BICC1: variants seen among roughly 807,000 people sequenced by gnomAD.
BICC1 encodes protein bicaudal C homolog 1.
BICC1 carries 43 observed loss-of-function variants against 111.0 expected under a neutral mutation model. That is an observed-to-expected ratio of 0.39 (90% confidence interval 0.30 to 0.50). BICC1 has a LOEUF of 0.50. BICC1 is among the 20% of genes least tolerant of loss of function. BICC1 has a pLI of 0.88. For missense variants in BICC1, 1,091 were observed against 1,203.2 expected, an observed-to-expected ratio of 0.91 and a Z score of 1.38; for synonymous variants, 467 against 434.4, an observed-to-expected ratio of 1.07 and a Z score of -0.93.
chr10:58,784,706 A>G (rs887821142), intron 3 of BICC1, among the ~76,000 whole-genome samples: 1 of 152,092 alleles, frequency 6.6e-6, no homozygotes, highest in Non-Finnish European at 1.5e-5. Flanking sequence ...AAATTATATG[A>G]TATTTTTATT....
intron 2 of BICC1, among the ~76,000 whole-genome samples, chr10:58,651,705 T>C (rs1006295950): frequency 2.6e-5 from 4 of 152,210 alleles, no homozygotes; most frequent in African/African-American, 4.8e-5. Context: ...TAGAGTGCTG[T>C]TGCCAAGTAA....
intron 1 of BICC1, among the ~76,000 whole-genome samples, chr10:58,542,195 A>G (rs1419053797): frequency 1.3e-5 from 2 of 151,310 alleles, no homozygotes; most frequent in Non-Finnish European, 1.5e-5. Flanking sequence ...CATACAGACT[A>G]GTGGAACAGA....
chr10:58,557,119 A>C (rs754408478), intron 1 of BICC1, among the ~76,000 whole-genome samples: 1 of 151,974 alleles, frequency 6.6e-6, no homozygotes, highest in Non-Finnish European at 1.5e-5. Context: ...TTTTGCCTTT[A>C]TTTTTGAAAG....
intron 12 of BICC1, 30 bp downstream of exon 12, chr10:58,799,282 G>C: frequency 6.5e-7 from 1 of 1,533,168 alleles, no homozygotes; most frequent in Non-Finnish European, 8.8e-7. Context: ...ATGTGTGTGT[G>C]ATCTGTACTG....
chr10:58,715,135 T>C (rs543004492), intron 3 of BICC1, among the ~76,000 whole-genome samples: 1 of 152,192 alleles, frequency 6.6e-6, no homozygotes, highest in Non-Finnish European at 1.5e-5. Flanking sequence ...TTTTTAAAAG[T>C]CCTTTTTATG....
At chr10:58,806,680 T>C (rs1048112630) in intron 16 of BICC1, 57 bp downstream of exon 16, 4 of 1,421,168 alleles carry the variant, frequency 2.8e-6, no homozygotes, top group Non-Finnish European at 3.9e-6. Context: ...TCATAAATGT[T>C]TTTTGAGTAC....
intron 2 of BICC1, among the ~76,000 whole-genome samples, chr10:58,672,382 C>T (rs1351875974): frequency 6.6e-6 from 1 of 152,058 alleles, no homozygotes; most frequent in Non-Finnish European, 1.5e-5. Flanking sequence ...AACATAAGGA[C>T]GGGCACTTAT....
intron 3 of BICC1, among the ~76,000 whole-genome samples, chr10:58,767,526 C>A (rs1029785427): frequency 2.6e-5 from 4 of 152,064 alleles, no homozygotes; most frequent in Admixed American, 6.6e-5. Flanking sequence ...AACACACACA[C>A]GCAGAAACCC....
At chr10:58,809,301 TGGGATTACAGGTGTGA>T in intron 17 of BICC1, among the ~76,000 whole-genome samples, 1 of 152,250 alleles carries the variant, frequency 6.6e-6, no homozygotes, top group South Asian at 2.1e-4. Flanking sequence ...GTCCCAGTGT[TGGGATTACAGGTGTGA>T]GGTTCTTTTA....
intron 1 of BICC1, among the ~76,000 whole-genome samples, chr10:58,619,020 G>C (rs371364659): frequency 4.2e-4 from 64 of 152,006 alleles, no homozygotes; most frequent in African/African-American, 1.5e-3. Context: ...ATCTCTCCTT[G>C]TGCTTCCATT....
chr10:58,796,641 C>CT (rs1465979795), intron 10 of BICC1, 115 bp downstream of exon 10: 30 of 1,002,620 alleles, frequency 3.0e-5, no homozygotes, highest in Non-Finnish European at 3.4e-5. Flanking sequence ...CCTTTGGGCT[C>CT]TAAGATCAGA....
Position 58,829,078 on chromosome 10 carries a change from C to T in BICC1, c.*187C>T. The stretch of plus-strand genomic sequence containing the variant: ...GAGAAGATGTTCTTATGATGTCATA[C>T]AGAACACCAAATATGGATTACTTTT... On this transcript the variant is annotated 3_prime_UTR_variant, in exon 21 of 21. Coordinates refer to ENST00000373886, the MANE Select transcript of BICC1 (RefSeq NM_001080512.3). 1 of 565,246 alleles carries T rather than the reference C, an allele frequency of 1.8e-6. No individual in the cohort carries two copies. The highest frequency in any genetic ancestry group is 2.9e-6 in the Non-Finnish European group (1 of 343,566). The allele number at this position is 565,246 out of a possible 1,614,324, so 35.0% of individuals were successfully genotyped here.
chr10:58,603,103 C>T (rs1845094854), intron 1 of BICC1, among the ~76,000 whole-genome samples: 5 of 152,298 alleles, frequency 3.3e-5, no homozygotes, highest in Non-Finnish European at 5.9e-5. Context: ...TACCATCCTT[C>T]ATTTCACCTT....
chr10:58,569,059 C>T (rs1843861392), intron 1 of BICC1, among the ~76,000 whole-genome samples: 1 of 152,106 alleles, frequency 6.6e-6, no homozygotes, highest in Non-Finnish European at 1.5e-5. Flanking sequence ...TTAATTTTTC[C>T]CTTCTCTAAA....
intron 2 of BICC1, among the ~76,000 whole-genome samples, chr10:58,626,436 G>C (rs892707345): frequency 1.3e-5 from 2 of 152,114 alleles, no homozygotes; most frequent in Non-Finnish European, 2.9e-5. Flanking sequence ...AGGTTGTTTA[G>C]TCATCATCTA....
At chr10:58,637,043 T>C (rs1837973517) in intron 2 of BICC1, among the ~76,000 whole-genome samples, 3 of 152,188 alleles carry the variant, frequency 2.0e-5, no homozygotes, top group African/African-American at 7.2e-5. Context: ...TATAATATTT[T>C]TGGCAATTTG....
At chr10:58,701,758 G>T (rs1025550937) in intron 2 of BICC1, among the ~76,000 whole-genome samples, 6 of 152,086 alleles carry the variant, frequency 3.9e-5, no homozygotes, top group African/African-American at 1.4e-4. Context: ...CATCTCTGAT[G>T]GTTCTGGCAT....
Position 58,806,448 on chromosome 10 carries a change from CATT to C in BICC1, c.2182-132_2182-130del, listed in dbSNP as rs1282644678. On this transcript the variant is annotated intron_variant, in intron 15 of 20. Transcript: ENST00000373886. ...ACAGACATACCTTGGATTTCTGTGG[CATT>C]ATTGTGCAAAGCTTGGTGTATGTCT... is the stretch of plus-strand genomic sequence containing the variant. 7.0e-6 allele frequency: 5 copies of C among 716,098 alleles called. No homozygotes were observed. In the African/African-American group the frequency reaches 9.1e-5, roughly 13 times the overall value. The allele number at this position is 716,098 out of a possible 1,614,324, so 44.4% of individuals were successfully genotyped here.
chr10:58,572,387 T>C (rs1843984315), intron 1 of BICC1, among the ~76,000 whole-genome samples: 1 of 152,142 alleles, frequency 6.6e-6, no homozygotes, highest in Non-Finnish European at 1.5e-5. Context: ...CATTAAATAT[T>C]TGCCCCTTTC....
Sources: gnomAD v4.1 joint callset for allele counts (sites outside exome capture counted in the v4.1 genomes callset) on GRCh38, gnomAD v4.1.1 for gene constraint, MANE v1.5 for transcripts, NCBI Gene and HGNC (gene_info 2026-07-23, HGNC 2026-07-21) for gene names.